The following ANKRD27 variants were observed in gnomAD, a reference collection of about 807,000 sequenced individuals.
ANKRD27 encodes the protein ankyrin repeat domain 27.
In ANKRD27, 112 loss-of-function variants were observed where a neutral mutation model predicts 129.7. The ratio of observed to expected loss-of-function variants is 0.86; its 90% confidence interval spans 0.74 to 1.01. The LOEUF (loss-of-function observed/expected upper bound fraction) is 1.01. Ranked by LOEUF, ANKRD27 falls within the 50% of genes least tolerant of loss-of-function variation. The probability of loss-of-function intolerance (pLI) is 0.00; values close to 1 mark genes in which losing one functional copy is unlikely to be tolerated. For synonymous variants in ANKRD27, 516 were observed against 511.2 expected, an observed-to-expected ratio of 1.01 and a Z score of -0.13; for missense variants, 1,258 against 1,300.5, an observed-to-expected ratio of 0.97 and a Z score of 0.50.
intron 3 of ANKRD27, among the ~76,000 whole-genome samples, chr19:32,647,844 C>T (rs796463937): frequency 6.6e-5 from 10 of 152,334 alleles, no homozygotes; most frequent in African/African-American, 2.2e-4. Flanking sequence ...TCAGCCCTGG[C>T]CACACTGCAG....
intron 22 of ANKRD27, among the ~76,000 whole-genome samples, chr19:32,614,061 T>C (rs1971874892): frequency 6.6e-6 from 1 of 151,836 alleles, no homozygotes; most frequent in African/African-American, 2.4e-5. Context: ...TTGCCAGCGG[T>C]TGGGGATGGT....
At chr19:32,624,105 G>A (rs1005217746) in intron 17 of ANKRD27, among the ~76,000 whole-genome samples, 3 of 151,994 alleles carry the variant, frequency 2.0e-5, no homozygotes, top group African/African-American at 4.8e-5. Context: ...GGTGGCTCAC[G>A]CCTGTAATCC....
intron 12 of ANKRD27, among the ~76,000 whole-genome samples, chr19:32,632,522 T>C (rs1599753578): frequency 1.4e-5 from 2 of 145,632 alleles, no homozygotes; most frequent in Admixed American, 7.0e-5. Flanking sequence ...CAAGTGGAGG[T>C]TGCGGTGAGC....
chr19:32,626,681 G>A (rs201305976), intron 16 of ANKRD27, 31 bp downstream of exon 16: 148 of 1,533,826 alleles, frequency 9.6e-5, no homozygotes, highest in Non-Finnish European at 1.2e-4. Context: ...GGAGCAAAGC[G>A]ACAGCCCGCC....
Position 32,640,338 on chromosome 19 carries a change from A to AT in ANKRD27, c.951dup (p.Tyr318IlefsTer10). 6.2e-7 allele frequency: 1 copy of AT among 1,613,986 alleles called. No individual in the cohort carries two copies. Among genetic ancestry groups the AT allele is most frequent in the Non-Finnish European group, 8.5e-7 (1 of 1,179,862 alleles). ...GGGATCTCCGTTTTCACAAGCAAGT[A>AT]TAACAGGACTGATAGCAGATCATCA... On this transcript the variant is annotated frameshift_variant, in exon 11 of 29. Coordinates refer to ENST00000306065, the MANE Select transcript of ANKRD27 (RefSeq NM_032139.3). LOFTEE classifies it high-confidence loss of function.
At chr19:32,642,240 C>T (rs1469666906) in intron 9 of ANKRD27, 95 bp from the exon 10 acceptor site, 2 of 1,245,234 alleles carry the variant, frequency 1.6e-6, no homozygotes, top group Non-Finnish European at 2.1e-6. Context: ...ACACTTCTCA[C>T]AACAAACCAG....
At chr19:32,628,683 G>T in intron 14 of ANKRD27, 39 bp downstream of exon 14, 12 of 1,611,586 alleles carry the variant, frequency 7.4e-6, no homozygotes, top group Non-Finnish European at 1.0e-5. Flanking sequence ...CCTGTCTCCT[G>T]CTTCCTGGCA....
intron 17 of ANKRD27, 27 bp from the exon 18 acceptor site, chr19:32,622,646 G>C (rs769904537): frequency 6.2e-7 from 1 of 1,609,922 alleles, no homozygotes; most frequent in Non-Finnish European, 8.5e-7. Flanking sequence ...AAATGGCATC[G>C]CTCATGGATG....
intron 25 of ANKRD27, among the ~76,000 whole-genome samples, chr19:32,603,899 G>A (rs528456525): frequency 6.6e-6 from 1 of 152,276 alleles, no homozygotes; most frequent in South Asian, 2.1e-4. Context: ...TAAGACAACG[G>A]CTGTGTTCAC....
rs1314805810 is a variant in ANKRD27, at chr19:32,631,494, C to A, written c.1117G>T (p.Glu373Ter). ...RQGSLSAKPP[E>*]SEGFGDRLFL... ...AGCCTGTCTCCAAATCCCTCAGACT[C>A]CTGCAGGGAAAAAACCAAACACACC... The change falls in exon 13 of 29, where the codon GAG (glutamate) becomes TAG (stop). Residue 373 changes from glutamate to a stop codon, truncating the protein, a stop_gained and splice_region_variant. Coordinates refer to ENST00000306065, the MANE Select transcript of ANKRD27 (RefSeq NM_032139.3). LOFTEE classifies it high-confidence loss of function. 1 of 1,613,370 alleles carries A rather than the reference C, an allele frequency of 6.2e-7. No individual in the cohort carries two copies.
At chr19:32,671,941 G>C (rs1967878368) in intron 1 of ANKRD27, among the ~76,000 whole-genome samples, 1 of 152,176 alleles carries the variant, frequency 6.6e-6, no homozygotes, top group African/African-American at 2.4e-5. Flanking sequence ...AGCCATGTGA[G>C]GCCTCAAACT....
chr19:32,598,057 A>AGTCT lies in ANKRD27; in HGVS notation c.*87_*88insAGAC. The AGTCT allele has an allele frequency of 8.1e-7, 1 of 1,233,608 alleles. No homozygotes were observed. Among genetic ancestry groups the AGTCT allele is most frequent in the Non-Finnish European group, 1.2e-6 (1 of 849,740 alleles). The allele number at this position is 1,233,608 out of a possible 1,614,324, so 76.4% of individuals were successfully genotyped here. On this transcript the variant is annotated 3_prime_UTR_variant, in exon 29 of 29. Transcript: ENST00000306065. Reference sequence around the variant, plus strand: ...CTTCTCAAGCCAGTCTCATGGAAGCACATTTAGTTCTCAGATGTGTTCACG... The same window carrying AGTCT: ...CTTCTCAAGCCAGTCTCATGGAAGCAGTCTCATTTAGTTCTCAGATGTGTTCACG...
At chr19:32,660,296 C>T (rs1967619803) in intron 1 of ANKRD27, among the ~76,000 whole-genome samples, 1 of 152,164 alleles carries the variant, frequency 6.6e-6, no homozygotes, top group Admixed American at 6.5e-5. Flanking sequence ...TGTAATCCTC[C>T]CTTTGGGAGG....
At chr19:32,616,695 C>T (rs572684239) in intron 21 of ANKRD27, among the ~76,000 whole-genome samples, 12 of 152,212 alleles carry the variant, frequency 7.9e-5, no homozygotes, top group African/African-American at 2.2e-4. Flanking sequence ...TTAGGAAAGA[C>T]GCCTTCCTTC....
intron 11 of ANKRD27, among the ~76,000 whole-genome samples, chr19:32,639,911 A>G (rs982869041): frequency 9.2e-5 from 14 of 152,282 alleles, no homozygotes; most frequent in African/African-American, 2.4e-4. Context: ...CAGGTGTCCA[A>G]TTGAAGATGG....
intron 5 of ANKRD27, 25 bp from the exon 6 acceptor site, chr19:32,643,656 A>G: frequency 6.2e-7 from 1 of 1,613,334 alleles, no homozygotes; most frequent in Non-Finnish European, 8.5e-7. Context: ...GCAGAGGGAC[A>G]GGCCACCCTT....
At chr19:32,626,610 G>A (rs1424190659) in intron 16 of ANKRD27, 102 bp downstream of exon 16, 19 of 798,216 alleles carry the variant, frequency 2.4e-5, no homozygotes, top group African/African-American at 3.7e-5. Flanking sequence ...ACAGCACCAG[G>A]AGACAGGGGT....
chr19:32,632,494 A>T, intron 12 of ANKRD27, among the ~76,000 whole-genome samples: 1 of 150,448 alleles, frequency 6.6e-6, no homozygotes, highest in East Asian at 2.0e-4. Flanking sequence ...CTGAGGCAGG[A>T]GAATCACTTG....
At chr19:32,655,037 C>G (rs1244226250) in intron 2 of ANKRD27, 2 of 152,452 alleles carry the variant, frequency 1.3e-5, no homozygotes, top group African/African-American at 4.8e-5. Context: ...CTGCCTTGGC[C>G]TCCCAAAGTG....
Sources: gnomAD v4.1 joint callset for allele counts (sites outside exome capture counted in the v4.1 genomes callset) on GRCh38, gnomAD v4.1.1 for gene constraint, MANE v1.5 for transcripts, NCBI Gene and HGNC (gene_info 2026-07-23, HGNC 2026-07-21) for gene names.